SLC9A2: variants seen among roughly 807,000 people sequenced by gnomAD.
SLC9A2 encodes the protein sodium/hydrogen exchanger 2.
A neutral mutation model predicts 71.7 loss-of-function variants in SLC9A2; 42 were observed. The ratio of observed to expected loss-of-function variants is 0.59; its 90% CI spans 0.46 to 0.76. The LOEUF (loss-of-function observed/expected upper bound fraction) is 0.76, where lower values mean the gene tolerates loss of function less well. Ranked by LOEUF, SLC9A2 falls within the 30% of genes least tolerant of loss-of-function variation. The pLI is 0.00. For missense variants in SLC9A2, 829 were observed against 1,017.4 expected (o/e 0.81, Z 2.52); for synonymous variants, 396 against 392.5 (o/e 1.01, Z -0.10).
chr2:102,672,500 G>A (rs1472427720), intron 3 of SLC9A2, among the ~76,000 whole-genome samples: 27 of 152,134 alleles, frequency 1.8e-4, no homozygotes, highest in East Asian at 1.9e-4. Context: ...TGCTCTCCCC[G>A]CTCTGATGAT....
At chr2:102,627,737 T>C (rs1234081287) in intron 1 of SLC9A2, among the ~76,000 whole-genome samples, 1 of 152,180 alleles carries the variant, frequency 6.6e-6, no homozygotes, top group Non-Finnish European at 1.5e-5. Context: ...ATTTACTTAC[T>C]TCAGCTTTCT....
intron 2 of SLC9A2, among the ~76,000 whole-genome samples, chr2:102,659,074 C>T (rs116544614): frequency 0.011 from 1,740 of 152,198 alleles, 27 homozygotes; most frequent in Non-Finnish European, 0.016. Context: ...ATTTTTAATT[C>T]CCTCTCCATT....
chr2:102,683,784 T>A (rs1677499275), intron 4 of SLC9A2, among the ~76,000 whole-genome samples: 1 of 152,088 alleles, frequency 6.6e-6, no homozygotes, highest in Non-Finnish European at 1.5e-5. Context: ...TTCCTCTGCC[T>A]CTTCCTCTTC....
intron 2 of SLC9A2, among the ~76,000 whole-genome samples, chr2:102,663,317 A>T (rs2104524207): frequency 6.6e-6 from 1 of 152,316 alleles, no homozygotes; most frequent in Admixed American, 6.5e-5. Context: ...GGAAATGTTC[A>T]CTGTTTCCTA....
At position 102,708,450 on chromosome 2, in the gene SLC9A2, T is replaced by C. The variant is rs1678030869; in HGVS notation, c.2400T>C (p.Pro800=). 6.2e-7 allele frequency: 1 copy of C among 1,614,086 alleles called. No homozygotes were observed. Among genetic ancestry groups the C allele is most frequent in the Non-Finnish European group, 8.5e-7 (1 of 1,180,002 alleles). Residue 800 remains proline (P), a synonymous_variant, in exon 12 of 12, where the codon CCT becomes CCC. Coordinates refer to ENST00000233969, the MANE Select transcript of SLC9A2 (RefSeq NM_003048.6). ...PPRLVWRASE[P]GSRKARFGSE... ...GGCTGGTCTGGAGGGCATCGGAACC[T>C]GGAAGCCGGAAAGCCCGATTTGGGA...
intron 1 of SLC9A2, among the ~76,000 whole-genome samples, chr2:102,639,465 A>G (rs1364580469): frequency 1.3e-5 from 2 of 152,220 alleles, no homozygotes; most frequent in Non-Finnish European, 2.9e-5. Context: ...TCAGGGGATC[A>G]ATCAGAATTT....
intron 5 of SLC9A2, among the ~76,000 whole-genome samples, chr2:102,687,784 T>A (rs559109692): frequency 1.5e-5 from 2 of 135,002 alleles, no homozygotes; most frequent in African/African-American, 6.6e-5. Context: ...GTTTGGGGAA[T>A]TTTTTTTTTT....
chr2:102,619,832 G>A lies in SLC9A2; in HGVS notation c.-17G>A. On this transcript the variant is annotated 5_prime_UTR_variant, in exon 1 of 12. Coordinates refer to ENST00000233969, the MANE Select transcript of SLC9A2 (RefSeq NM_003048.6). The surrounding 1 kb of genome is among the most constrained non-coding windows in gnomAD (Gnocchi z 4.3). ...AGGGCCAACCGCCGGTCCCCTTGGC[G>A]GCAACCGGCGGCACCCATGGAACCA... The A allele has an allele frequency of 3.4e-6, 5 of 1,476,684 alleles. No homozygotes were observed. The highest frequency in any genetic ancestry group is 3.6e-6 in the Non-Finnish European group (4 of 1,115,604). 91.5% of individuals were successfully genotyped at this position (1,476,684 alleles called of 1,614,324 possible).
chr2:102,694,985 G>A, intron 6 of SLC9A2, 58 bp from the exon 7 acceptor site: 1 of 1,421,826 alleles, frequency 7.0e-7, no homozygotes, highest in Non-Finnish European at 9.9e-7. Context: ...TACAAGTAGA[G>A]TGAAAATTAT....
At position 102,665,195 on chromosome 2, in the gene SLC9A2, C is replaced by G; in HGVS notation, c.849C>G (p.Ile283Met). 1 of 1,613,886 alleles carries G rather than the reference C, an allele frequency of 6.2e-7. No homozygotes were observed. The highest frequency in any genetic ancestry group is 8.5e-7 in the Non-Finnish European group (1 of 1,179,984). ...AGIANFFVVG[I>M]GGVLIGIFLG... ...TCGCCAACTTCTTTGTTGTGGGAAT[C>G]GGTGGGGTGCTGATTGGCATCTTCT... Residue 283 changes from isoleucine (I) to methionine (M), a missense_variant, in exon 3 of 12, where the codon ATC becomes ATG. By Grantham distance (10) the Ile-to-Met change is conservative (BLOSUM62 1). Around this residue, in one of 3 missense-constraint regions of SLC9A2, gnomAD observed 500 missense variants for 726.3 expected, o/e 0.69. Transcript: ENST00000233969.
chr2:102,654,773 C>T lies in SLC9A2; in HGVS notation c.290-2791C>T, dbSNP rs140906744. On this transcript the variant is annotated intron_variant, in intron 1 of 11. Coordinates refer to ENST00000233969, the MANE Select transcript of SLC9A2 (RefSeq NM_003048.6). ...CAAACCTAGGTGGTACAGCTTACCACACACCTAGGCTATATGGTGTTGTCT... is the reference window on the plus strand; with the variant it reads ...CAAACCTAGGTGGTACAGCTTACCATACACCTAGGCTATATGGTGTTGTCT... Among the ~76,000 whole-genome samples the T allele has an allele frequency of 2.1e-3, 319 of 152,330 alleles. 2 individuals carry two copies. Among genetic ancestry groups the T allele is most frequent in the African/African-American group, 7.4e-3 (309 of 41,570 alleles).
intron 2 of SLC9A2, among the ~76,000 whole-genome samples, chr2:102,661,209 G>T (rs962551650): frequency 1.3e-5 from 2 of 152,204 alleles, no homozygotes; most frequent in Non-Finnish European, 2.9e-5. Flanking sequence ...TTTTTCAGAT[G>T]ATTTCTAGAA....
chr2:102,662,080 C>G (rs939945568), intron 2 of SLC9A2, among the ~76,000 whole-genome samples: 8 of 152,274 alleles, frequency 5.3e-5, no homozygotes, highest in Middle Eastern at 3.4e-3. Flanking sequence ...GGTAACGCTC[C>G]TACCTGAGAT....
At chr2:102,704,461 G>A (rs1677933759) in intron 9 of SLC9A2, 83 bp from the exon 10 acceptor site, 5 of 1,369,636 alleles carry the variant, frequency 3.7e-6, no homozygotes, top group East Asian at 4.9e-5. Flanking sequence ...CCAAAGAAAT[G>A]TGGTAAAGTC....
chr2:102,703,536 C>A (rs893710692), intron 9 of SLC9A2, among the ~76,000 whole-genome samples: 4 of 152,136 alleles, frequency 2.6e-5, no homozygotes, highest in African/African-American at 4.8e-5. Flanking sequence ...GCACTTGGAG[C>A]TTATACTGTA....
chr2:102,636,863 C>T (rs905973169), intron 1 of SLC9A2, among the ~76,000 whole-genome samples: 24 of 152,298 alleles, frequency 1.6e-4, no homozygotes, highest in Middle Eastern at 3.4e-3. Flanking sequence ...GTCACTAGAA[C>T]TTGTCAACCC....
chr2:102,663,585 G>C (rs1387565745), intron 2 of SLC9A2, among the ~76,000 whole-genome samples: 2 of 152,204 alleles, frequency 1.3e-5, no homozygotes, highest in Non-Finnish European at 2.9e-5. Context: ...ATTGAACCTT[G>C]AACAACTTAA....
intron 3 of SLC9A2, among the ~76,000 whole-genome samples, chr2:102,671,233 C>A (rs115938227): frequency 6.6e-6 from 1 of 152,062 alleles, no homozygotes; most frequent in Non-Finnish European, 1.5e-5. Context: ...GGTCATTGTA[C>A]GTTACATTGC....
At chr2:102,625,204 G>A (rs1048778636) in intron 1 of SLC9A2, among the ~76,000 whole-genome samples, 1 of 152,168 alleles carries the variant, frequency 6.6e-6, no homozygotes, top group African/African-American at 2.4e-5. Flanking sequence ...CTGTCTGAAG[G>A]ATGACTTCAA....
Sources: gnomAD v4.1 joint callset for allele counts (sites outside exome capture counted in the v4.1 genomes callset) on GRCh38, gnomAD v4.1.1 for gene constraint, gnomAD v4.1.1 regional missense constraint, Gnocchi (gnomAD v3.1) non-coding constraint, MANE v1.5 for transcripts, NCBI Gene and HGNC (gene_info 2026-07-23, HGNC 2026-07-21) for gene names.